PARP8: variants seen among roughly 807,000 people sequenced by gnomAD.
PARP8 encodes the protein poly(ADP-ribose) polymerase family member 8.
A neutral mutation model predicts 124.1 loss-of-function variants in PARP8; 51 were observed. That is an observed-to-expected ratio of 0.41 (90% CI 0.33 to 0.52). The LOEUF (loss-of-function observed/expected upper bound fraction) is 0.52. Among genes scored for constraint, PARP8 ranks in the 20% least tolerant of loss-of-function variants. The pLI, the probability that PARP8 is intolerant of heterozygous loss-of-function variation, is 0.21. For missense variants in PARP8, 860 were observed against 1,018.9 expected, an observed-to-expected ratio of 0.84 and a Z score of 2.12; for synonymous variants, 391 against 361.5, an observed-to-expected ratio of 1.08 and a Z score of -0.93.
rs750982383 is a variant in PARP8, at chr5:50,834,970, G to A, written c.2417G>A (p.Trp806Ter). Residue 806 changes from tryptophan to a stop codon, truncating the protein, a stop_gained, in exon 25 of 26, where the codon TGG (tryptophan) becomes TAG (stop). Transcript: ENST00000281631. LOFTEE classifies it high-confidence loss of function. ...GACCTGCACAAACATGGAGAGATAT[G>A]GGTTGTCCCCAATACTGACCATGTC... is the stretch of plus-strand genomic sequence containing the variant. ...SSDLHKHGEI[W>*]VVPNTDHVCT... The A allele has an allele frequency of 6.2e-7, 1 of 1,613,464 alleles. No homozygotes were observed. The highest frequency in any genetic ancestry group is 1.7e-5 in the Admixed American group (1 of 59,960).
intron 21 of PARP8, among the ~76,000 whole-genome samples, chr5:50,829,409 A>G (rs569803996): frequency 6.6e-6 from 1 of 152,330 alleles, no homozygotes; most frequent in African/African-American, 2.4e-5. Context: ...CACAGAGATA[A>G]TAAGAAAGAA....
chr5:50,735,360 A>G (rs1001030126), intron 2 of PARP8, among the ~76,000 whole-genome samples: 4 of 152,190 alleles, frequency 2.6e-5, no homozygotes, highest in African/African-American at 7.2e-5. Context: ...TACATGGACA[A>G]TGTGACTCCT....
intron 3 of PARP8, among the ~76,000 whole-genome samples, chr5:50,756,459 A>T (rs1011153580): frequency 1.3e-4 from 20 of 152,236 alleles, no homozygotes; most frequent in Admixed American, 1.3e-3. Flanking sequence ...TTTGAGGAAG[A>T]TTTAGAAGTA....
At chr5:50,828,517 G>A in intron 21 of PARP8, 133 bp downstream of exon 21, 2 of 742,498 alleles carry the variant, frequency 2.7e-6, no homozygotes, top group South Asian at 1.7e-5. Flanking sequence ...TTTCTAGTAG[G>A]CATACTAGAA....
intron 7 of PARP8, among the ~76,000 whole-genome samples, chr5:50,770,036 T>C (rs1409125149): frequency 6.6e-6 from 1 of 152,146 alleles, no homozygotes; most frequent in East Asian, 1.9e-4. Context: ...CTTAAAAATA[T>C]CATTTTAGCT....
chr5:50,682,273 C>A (rs1751379307), intron 2 of PARP8, among the ~76,000 whole-genome samples: 1 of 152,104 alleles, frequency 6.6e-6, no homozygotes, highest in Admixed American at 6.6e-5. Context: ...AATCAATACA[C>A]CTTGGGAGGC....
chr5:50,753,261 G>T (rs1759459604), intron 3 of PARP8, among the ~76,000 whole-genome samples: 1 of 151,854 alleles, frequency 6.6e-6, no homozygotes, highest in Admixed American at 6.6e-5. Context: ...ACCTACTGTT[G>T]GGAGTGGACT....
At chr5:50,704,450 C>T (rs1401063308) in intron 2 of PARP8, among the ~76,000 whole-genome samples, 1 of 152,104 alleles carries the variant, frequency 6.6e-6, no homozygotes, top group Non-Finnish European at 1.5e-5. Flanking sequence ...AATCTTCACT[C>T]CTTATATGCT....
At chr5:50,811,168 C>T (rs1007526089) in intron 14 of PARP8, among the ~76,000 whole-genome samples, 45 of 151,916 alleles carry the variant, frequency 3.0e-4, no homozygotes, top group African/African-American at 1.0e-3. Context: ...AAAGTGTTTC[C>T]ATAAAGTAAT....
intron 7 of PARP8, among the ~76,000 whole-genome samples, chr5:50,775,084 T>C (rs562387508): frequency 2.4e-5 from 3 of 122,512 alleles, no homozygotes; most frequent in African/African-American, 9.5e-5. Context: ...TGGGGCGGCC[T>C]GGCAGAGGGG....
At chr5:50,672,842 A>G (rs1002861585) in intron 2 of PARP8, among the ~76,000 whole-genome samples, 3 of 152,066 alleles carry the variant, frequency 2.0e-5, no homozygotes, top group Non-Finnish European at 4.4e-5. Context: ...GGAGAAGTGT[A>G]TGTGTGTGCA....
intron 2 of PARP8, among the ~76,000 whole-genome samples, chr5:50,672,355 G>A (rs932994526): frequency 1.3e-5 from 2 of 152,214 alleles, no homozygotes; most frequent in African/African-American, 4.8e-5. Flanking sequence ...ATTCTTCTAA[G>A]TAAGTAGGTG....
chr5:50,806,677 G>T (rs958778291), intron 14 of PARP8, among the ~76,000 whole-genome samples: 1 of 151,958 alleles, frequency 6.6e-6, no homozygotes, highest in Non-Finnish European at 1.5e-5. Context: ...GAAAATTAAA[G>T]AAACTTTTCA....
intron 2 of PARP8, among the ~76,000 whole-genome samples, chr5:50,703,407 G>A (rs938574883): frequency 3.3e-5 from 5 of 151,850 alleles, no homozygotes; most frequent in African/African-American, 1.2e-4. Context: ...CATTTATTCT[G>A]TATGGATATG....
intron 10 of PARP8, among the ~76,000 whole-genome samples, chr5:50,793,108 A>G (rs1021417982): frequency 1.3e-5 from 2 of 152,168 alleles, no homozygotes; most frequent in Non-Finnish European, 2.9e-5. Context: ...AATAACAGCT[A>G]CTTGCTGCGG....
At chr5:50,762,328 G>A (rs954344386) in intron 6 of PARP8, among the ~76,000 whole-genome samples, 1 of 151,932 alleles carries the variant, frequency 6.6e-6, no homozygotes, top group African/African-American at 2.4e-5. Context: ...TTGTTTATTT[G>A]TATTCACTGC....
At chr5:50,714,088 T>TC (rs1217685147) in intron 2 of PARP8, among the ~76,000 whole-genome samples, 1 of 151,418 alleles carries the variant, frequency 6.6e-6, no homozygotes, top group East Asian at 1.9e-4. Context: ...TTCTTTCTTT[T>TC]TTTTTTTTTT....
intron 19 of PARP8, 55 bp from the exon 20 acceptor site, chr5:50,827,889 C>A: frequency 7.8e-7 from 1 of 1,281,768 alleles, no homozygotes; most frequent in Non-Finnish European, 1.1e-6. Context: ...TTGTCATCAG[C>A]CTGAATATAT....
chr5:50,703,345 A>G (rs1753793161), intron 2 of PARP8, among the ~76,000 whole-genome samples: 1 of 151,896 alleles, frequency 6.6e-6, no homozygotes, highest in Non-Finnish European at 1.5e-5. Context: ...ACATGATGAT[A>G]TCATAATCAC....
Sources: allele counts gnomAD v4.1 joint callset (sites outside exome capture counted in the v4.1 genomes callset), GRCh38; gene constraint gnomAD v4.1.1; transcripts MANE v1.5; gene names NCBI Gene and HGNC (gene_info 2026-07-23, HGNC 2026-07-21).